The following MEGF10 variants were observed in gnomAD, a reference collection of about 807,000 sequenced individuals.
MEGF10 encodes multiple epidermal growth factor-like domains protein 10.
MEGF10 carries 86 observed loss-of-function variants against 147.5 expected under a neutral mutation model. The ratio of observed to expected loss-of-function variants is 0.58; its 90% confidence interval spans 0.49 to 0.70. The LOEUF is 0.70. Ranked by LOEUF, MEGF10 falls within the 30% of genes least tolerant of loss-of-function variation. MEGF10 has a pLI of 0.00. For missense variants in MEGF10, 1,329 were observed against 1,487.3 expected, an observed-to-expected ratio of 0.89 and a Z score of 1.75; for synonymous variants, 478 against 525.5, an observed-to-expected ratio of 0.91 and a Z score of 1.24.
At chr5:127,288,426 A>G (rs186353811), upstream of MEGF10, among the ~76,000 whole-genome samples, 1 of 152,294 alleles carries the variant, frequency 6.6e-6, no homozygotes, top group East Asian at 1.9e-4. Context: ...ATTGGGCAAT[A>G]AATTCAGACA....
rs571605397 is a variant in MEGF10 at position 127,336,357 on chromosome 5, A to G, written c.117-2763A>G. On this transcript the variant is annotated intron_variant, in intron 2 of 24. Coordinates refer to ENST00000503335, the MANE Select transcript of MEGF10 (RefSeq NM_001256545.2). ...TTCAGCATTTAAATATTGGTCTCTCATTAGGTTGAGAGCTCCTTGAGGGCA... is the reference window on the plus strand; with the variant it reads ...TTCAGCATTTAAATATTGGTCTCTCGTTAGGTTGAGAGCTCCTTGAGGGCA... 3.9e-5 allele frequency among the ~76,000 whole-genome samples: 6 copies of G among 152,078 alleles called. No homozygotes were observed. In the South Asian group the frequency reaches 1.2e-3, roughly 32 times the overall value.
intron 12 of MEGF10, among the ~76,000 whole-genome samples, chr5:127,421,547 A>G (rs774329934): frequency 7.2e-5 from 11 of 152,130 alleles, no homozygotes; most frequent in Non-Finnish European, 1.6e-4. Context: ...TCCATAAACA[A>G]AACAATCATG....
chr5:127,438,293 C>A (rs1765630598), intron 16 of MEGF10, 146 bp from the exon 17 acceptor site: 1 of 803,638 alleles, frequency 1.2e-6, no homozygotes, highest in Non-Finnish European at 1.9e-6. Context: ...GGATTTAGTG[C>A]AGAATTCAGA....
intron 20 of MEGF10, 38 bp downstream of exon 20, chr5:127,445,731 A>G (rs771176960): frequency 6.7e-7 from 1 of 1,490,798 alleles, no homozygotes; most frequent in Non-Finnish European, 9.4e-7. Flanking sequence ...TGCTTCTTGA[A>G]AAGTTAAATT....
At chr5:127,339,275 A>T in intron 3 of MEGF10, 54 bp downstream of exon 3, 3 of 1,185,816 alleles carry the variant, frequency 2.5e-6, no homozygotes, top group Non-Finnish European at 3.8e-6. Flanking sequence ...ATAGATTCTA[A>T]TACAGAGATA....
At chr5:127,411,434 A>C (rs751970996) in intron 9 of MEGF10, among the ~76,000 whole-genome samples, 2 of 152,242 alleles carry the variant, frequency 1.3e-5, no homozygotes, top group Non-Finnish European at 2.9e-5. Flanking sequence ...ATACTTCTGA[A>C]AGATAACTCA....
rs1333924981 is a variant in MEGF10 at position 127,459,836 on chromosome 5, C to T, written c.*2518C>T. ...TAGCAATTTGGATGTTGTAAAACTA[C>T]GTGTTACATTTGGAGAGGTCTTGTT... On this transcript the variant is annotated 3_prime_UTR_variant, in exon 25 of 25. Transcript: ENST00000503335. 6.6e-6 allele frequency: 1 copy of T among 152,110 alleles called. No individual in the cohort carries two copies. The highest frequency in any genetic ancestry group is 2.4e-5 in the African/African-American group (1 of 41,422). The allele number at this position is 152,110 out of a possible 1,614,324, so 9.4% of individuals were successfully genotyped here.
At chr5:127,296,010 C>A (rs146735740) in intron 1 of MEGF10, among the ~76,000 whole-genome samples, 286 of 152,300 alleles carry the variant, frequency 1.9e-3, no homozygotes, top group African/African-American at 6.6e-3. Flanking sequence ...TTCTTCATAT[C>A]TGAATGTCCT....
intron 5 of MEGF10, among the ~76,000 whole-genome samples, chr5:127,395,414 T>G (rs1281240586): frequency 6.6e-6 from 1 of 152,080 alleles, no homozygotes; most frequent in African/African-American, 2.4e-5. Flanking sequence ...ATTCTTCGGC[T>G]TCAGGCTTGT....
chr5:127,346,854 G>T (rs1355935680), intron 4 of MEGF10, among the ~76,000 whole-genome samples: 2 of 152,046 alleles, frequency 1.3e-5, no homozygotes, highest in African/African-American at 4.8e-5. Flanking sequence ...GGATTTTTTT[G>T]AGTTTAGGAA....
chr5:127,312,244 G>T (rs1416691527), intron 1 of MEGF10, among the ~76,000 whole-genome samples: 1 of 152,158 alleles, frequency 6.6e-6, no homozygotes, highest in Non-Finnish European at 1.5e-5. Context: ...AGGAAAAAGT[G>T]CCTTCGGCTG....
At chr5:127,278,583 A>G in the MEGF10 span, among the ~76,000 whole-genome samples, 1 of 152,266 alleles carries the variant, frequency 6.6e-6, no homozygotes, top group East Asian at 1.9e-4. Flanking sequence ...ACAGGGAGAA[A>G]TCCACGTCAT....
At chr5:127,291,938 G>T (rs1759276879) in intron 1 of MEGF10, among the ~76,000 whole-genome samples, 1 of 152,186 alleles carries the variant, frequency 6.6e-6, no homozygotes, top group Non-Finnish European at 1.5e-5. Context: ...CATTATTATT[G>T]TTCTTAGGCT....
chr5:127,348,361 A>T (rs957373473), intron 4 of MEGF10, among the ~76,000 whole-genome samples: 1 of 152,146 alleles, frequency 6.6e-6, no homozygotes, highest in Admixed American at 6.6e-5. Flanking sequence ...TTTGTAACAC[A>T]TGTAGCTATT....
intron 2 of MEGF10, among the ~76,000 whole-genome samples, chr5:127,335,078 A>G (rs1014343724): frequency 1.3e-5 from 2 of 152,202 alleles, no homozygotes; most frequent in Non-Finnish European, 2.9e-5. Flanking sequence ...ATATATTTTC[A>G]GTATGTTTGA....
chr5:127,413,337 G>A (rs1301515735), intron 9 of MEGF10, among the ~76,000 whole-genome samples: 1 of 152,106 alleles, frequency 6.6e-6, no homozygotes, highest in Non-Finnish European at 1.5e-5. Flanking sequence ...AATATAGAGA[G>A]ATAGATTAAC....
chr5:127,285,995 G>A (rs966616418), upstream of MEGF10, among the ~76,000 whole-genome samples: 12 of 152,030 alleles, frequency 7.9e-5, no homozygotes, highest in Non-Finnish European at 1.6e-4. Context: ...AATTGGAATC[G>A]TGTTATTTGC....
intron 9 of MEGF10, among the ~76,000 whole-genome samples, chr5:127,415,017 G>A (rs1323032317): frequency 2.6e-5 from 4 of 151,956 alleles, no homozygotes; most frequent in Non-Finnish European, 5.9e-5. Flanking sequence ...TAGGCAGAGA[G>A]TAAGGAAACT....
intron 9 of MEGF10, among the ~76,000 whole-genome samples, chr5:127,413,084 C>A (rs1764631643): frequency 6.6e-6 from 1 of 152,156 alleles, no homozygotes; most frequent in South Asian, 2.1e-4. Flanking sequence ...ATTCAACATA[C>A]CCCACCTCTC....
Sources: allele counts gnomAD v4.1 joint callset (sites outside exome capture counted in the v4.1 genomes callset), GRCh38; gene constraint gnomAD v4.1.1; transcripts MANE v1.5; gene names NCBI Gene and HGNC (gene_info 2026-07-23, HGNC 2026-07-21).